Variants in RPS2 observed in about 807,000 individuals in gnomAD.
The protein encoded by RPS2 is ribosomal protein S2.
RPS2 carries 8 observed loss-of-function variants against 25.3 expected under a neutral mutation model. That is an observed-to-expected ratio of 0.32 (90% confidence interval 0.19 to 0.57). The LOEUF is 0.57. Ranked by LOEUF, RPS2 falls within the 20% of genes least tolerant of loss-of-function variation. The probability of loss-of-function intolerance (pLI) is 0.90; values close to 1 mark genes in which losing one functional copy is unlikely to be tolerated. For missense variants in RPS2, 229 were observed against 408.1 expected (o/e 0.56, Z 3.78); for synonymous variants, 181 against 161.3 (o/e 1.12, Z -0.92).
intron 3 of RPS2, 78 bp downstream of exon 3, chr16:1,964,198 G>A: frequency 9.5e-7 from 1 of 1,053,964 alleles, no homozygotes; most frequent in Non-Finnish European, 1.5e-6. Context: ...CGAGTCAATG[G>A]CAGATGCTAA....
rs2083267359 is a variant in RPS2, at chr16:1,962,625, C to T, written c.581G>A (p.Arg194His). 1.2e-6 allele frequency: 2 copies of T among 1,607,760 alleles called. No individual in the cohort carries two copies. The highest frequency in any genetic ancestry group is 1.3e-5 in the African/African-American group (1 of 74,678). Reference protein sequence around the residue: ...VTGRCGSVLVRLIPAPRGTGI... With the variant: ...VTGRCGSVLVHLIPAPRGTGI... ...AGTGCCCCTGGGTGCAGGGATGAGG[C>T]GTACCAGCACAGAGCCGCAGCGGCC... Residue 194 changes from arginine (R) to histidine (H), a missense_variant, in exon 6 of 7, where the codon CGC becomes CAC. Around this residue, in one of 7 missense-constraint regions of RPS2, gnomAD observed 79 missense variants for 159.0 expected, o/e 0.50. Coordinates refer to ENST00000343262, the MANE Select transcript of RPS2 (RefSeq NM_002952.4).
At chr16:1,963,370 C>A (rs1411737388) in intron 3 of RPS2, 114 bp from the exon 4 acceptor site, 2 of 662,516 alleles carry the variant, frequency 3.0e-6, no homozygotes, top group African/African-American at 1.8e-5. Flanking sequence ...GTAATCCCAG[C>A]ACTTTGGGAG....
At chr16:1,963,904 G>GAT in intron 3 of RPS2, 1 of 412,444 alleles carries the variant, frequency 2.4e-6, no homozygotes, top group South Asian at 1.8e-5. Context: ...GCTGGATGCA[G>GAT]ATGACAGCTG....
In RPS2 at chr16:1,962,522, G is replaced by T. The variant is rs16951436; in HGVS notation, c.684C>A (p.Gly228=). 4 of 1,611,856 alleles carry T rather than the reference G, an allele frequency of 2.5e-6. No homozygotes were observed. The highest frequency in any genetic ancestry group is 3.4e-6 in the Non-Finnish European group (4 of 1,179,590). Reference sequence around the variant, plus strand: ...CGAAGTTGCCCAGGGTGGCAGTGCAGCCCCGGGCTGAGGTGTAGCAGTCAT... The same window carrying T: ...CGAAGTTGCCCAGGGTGGCAGTGCATCCCCGGGCTGAGGTGTAGCAGTCAT... ...GIDDCYTSAR[G]CTATLGNFAK... is the part of the protein sequence containing the mutation. The change falls in exon 6 of 7, where the codon GGC becomes GGA. Residue 228 remains glycine, a synonymous_variant. Coordinates refer to ENST00000343262, the MANE Select transcript of RPS2 (RefSeq NM_002952.4).
chr16:1,962,378 T>C, intron 6 of RPS2, 108 bp from the exon 7 acceptor site: 1 of 1,378,932 alleles, frequency 7.3e-7, no homozygotes, highest in Non-Finnish European at 1.0e-6. Context: ...TGGGCGGGTC[T>C]GTCGTGCATT....
chr16:1,964,681 C>T (rs370843591), intron 1 of RPS2, 53 bp from the exon 2 acceptor site: 4 of 1,007,770 alleles, frequency 4.0e-6, no homozygotes, highest in Non-Finnish European at 5.7e-6. Flanking sequence ...CATCTGGCAG[C>T]CCCCCGCGAG....
At position 1,962,160 on chromosome 16, in the gene RPS2, C is replaced by A; in HGVS notation, c.820G>T (p.Val274Phe). Residue 274 changes from valine to phenylalanine, a missense_variant, in exon 7 of 7, where the codon GTC becomes TTC. Around this residue, in one of 7 missense-constraint regions of RPS2, gnomAD observed 32 missense variants for 29.4 expected, o/e 1.09. Coordinates refer to ENST00000343262, the MANE Select transcript of RPS2 (RefSeq NM_002952.4). ...ACGGAGACTCTGGTGTGGGTCTTGA[C>A]GAGGTGGTCAGTGAACTCCTGATAG... Reference protein sequence around the residue: ...SPYQEFTDHLVKTHTRVSVQR... With the variant: ...SPYQEFTDHLFKTHTRVSVQR... 2 of 1,596,078 alleles carry A rather than the reference C, an allele frequency of 1.3e-6. No individual in the cohort carries two copies. The highest frequency in any genetic ancestry group is 1.7e-6 in the Non-Finnish European group (2 of 1,177,056).
At chr16:1,962,436 G>T in intron 6 of RPS2, 61 bp downstream of exon 6, 6 of 1,507,254 alleles carry the variant, frequency 4.0e-6, no homozygotes, top group Non-Finnish European at 5.5e-6. Flanking sequence ...GCACACACTG[G>T]ACCCGTGTGG....
chr16:1,963,692 G>A (rs2083279566), intron 3 of RPS2: 2 of 400,952 alleles, frequency 5.0e-6, no homozygotes, highest in East Asian at 7.3e-5. Flanking sequence ...TTCGTTTTTG[G>A]AAGCTTGTAT....
In RPS2 at chr16:1,963,318, T is replaced by G. The variant is rs559888842; in HGVS notation, c.268-62A>C. On this transcript the variant is annotated intron_variant, in intron 3 of 6. Transcript: ENST00000343262. ...AAAAAAACTTAATACCATTATGATA[T>G]TCAAGAACCAAAGTCACGGCCGGGG... is the stretch of plus-strand genomic sequence containing the variant. 166 of 1,098,110 alleles carry G rather than the reference T, an allele frequency of 1.5e-4. No individual in the cohort carries two copies. The African/African-American group carries it at 2.0e-3, about 13-fold the overall frequency. 68.0% of individuals were successfully genotyped at this position (1,098,110 alleles called of 1,614,324 possible). A position where few individuals can be genotyped will look rare whatever the true frequency, so the allele number is the denominator to read the frequency against.
Position 1,964,465 on chromosome 16 carries a change from T to C in RPS2, c.161A>G (p.Lys54Arg). 2 of 1,610,350 alleles carry C rather than the reference T, an allele frequency of 1.2e-6. No homozygotes were observed. Among genetic ancestry groups the C allele is most frequent in the South Asian group, 1.1e-5 (1 of 90,938 alleles). Residue 54 changes from lysine (K) to arginine (R), a missense_variant, in exon 2 of 7, where the codon AAG (lysine) becomes AGG (arginine). Physicochemically the swap from Lys to Arg is conservative, Grantham distance 26. Transcript: ENST00000343262. ...RGRGRGARGG[K>R]AEDKEWMPVT... The stretch of plus-strand genomic sequence containing the variant: ...GATACCTACCTCCTTATCCTCGGCC[T>C]TGCCTCCGCGAGCTCCGCGGCCTCG...
At chr16:1,962,949 C>T in intron 4 of RPS2, 40 bp from the exon 5 acceptor site, 5 of 1,593,514 alleles carry the variant, frequency 3.1e-6, no homozygotes, top group Non-Finnish European at 4.3e-6. Context: ...TGGCCCTACA[C>T]CCAATCACTG....
At chr16:1,963,932 A>G in intron 3 of RPS2, 1 of 396,322 alleles carries the variant, frequency 2.5e-6, no homozygotes, top group East Asian at 6.4e-5. Context: ...CACGCGGACT[A>G]TGACAGTTTG....
chr16:1,962,390 G>C (rs1397636147), intron 6 of RPS2, 107 bp downstream of exon 6: 1 of 1,382,498 alleles, frequency 7.2e-7, no homozygotes, highest in African/African-American at 1.4e-5. Flanking sequence ...TCGTGCATTA[G>C]GAGAGCCTTT....
chr16:1,964,112 TC>T lies in RPS2; in HGVS notation c.267+163del, dbSNP rs2083284791. 32 of 620,374 alleles carry T rather than the reference TC, an allele frequency of 5.2e-5. No homozygotes were observed. In the South Asian group the frequency reaches 6.1e-4, roughly 12 times the overall value. The allele number at this position is 620,374 out of a possible 1,614,324, so 38.4% of individuals were successfully genotyped here. A position where few individuals can be genotyped will look rare whatever the true frequency, so the allele number is the denominator to read the frequency against. On this transcript the variant is annotated intron_variant, in intron 3 of 6. Transcript: ENST00000343262. ...GCTTCGCTCAGGTATCCATCCAACC[TC>T]TAAGTGGAATCCTCTCCTCAGCCAG...
At chr16:1,964,142 G>A (rs1297126479) in intron 3 of RPS2, 134 bp downstream of exon 3, 2 of 699,024 alleles carry the variant, frequency 2.9e-6, no homozygotes, top group East Asian at 2.7e-5. Context: ...CAGCCAGCCC[G>A]CAACACAACC....
At chr16:1,963,323 GA>G in intron 3 of RPS2, 67 bp from the exon 4 acceptor site, 1 of 1,069,300 alleles carries the variant, frequency 9.4e-7, no homozygotes, top group Admixed American at 2.5e-5. Context: ...TGATATTCAA[GA>G]ACCAAAGTCA....
At position 1,962,487 on chromosome 16, in the gene RPS2, G is replaced by A. The variant is rs1329113502; in HGVS notation, c.709+10C>T. 2 of 1,611,408 alleles carry A rather than the reference G, an allele frequency of 1.2e-6. No homozygotes were observed. The highest frequency in any genetic ancestry group is 2.7e-5 in the African/African-American group (2 of 74,880). ...AGACCATGGCTATGCCCCATGTGTG[G>A]ACCACCTACCGAAGTTGCCCAGGGT... On this transcript the variant is annotated intron_variant, in intron 6 of 6. Coordinates refer to ENST00000343262, the MANE Select transcript of RPS2 (RefSeq NM_002952.4).
In RPS2 at chr16:1,964,642, C is replaced by T; in HGVS notation, c.-3-14G>A. On this transcript the variant is annotated splice_polypyrimidine_tract_variant and intron_variant, in intron 1 of 6. Coordinates refer to ENST00000343262, the MANE Select transcript of RPS2 (RefSeq NM_002952.4). ...ATCCGCCATTTGCTGGGAAAAGCGACAAGAAGGAACTAGTCAGTGTGGCCT... is the reference window on the plus strand; with the variant it reads ...ATCCGCCATTTGCTGGGAAAAGCGATAAGAAGGAACTAGTCAGTGTGGCCT... The T allele has an allele frequency of 7.5e-7, 1 of 1,325,310 alleles. No homozygotes were observed. Among genetic ancestry groups the T allele is most frequent in the Non-Finnish European group, 1.0e-6 (1 of 968,054 alleles). 82.1% of individuals were successfully genotyped at this position (1,325,310 alleles called of 1,614,324 possible).
Sources: allele counts gnomAD v4.1 joint callset, GRCh38; gene constraint gnomAD v4.1.1; regional missense constraint gnomAD v4.1.1; transcripts MANE v1.5; gene names NCBI Gene and HGNC (gene_info 2026-07-23, HGNC 2026-07-21).